The following KIF18A variants were observed in gnomAD, a reference collection of about 807,000 sequenced individuals.
KIF18A encodes the protein kinesin family member 18A, also known as kinesin-like protein KIF18A.
KIF18A carries 67 observed loss-of-function variants against 103.3 expected under a neutral mutation model. The ratio of observed to expected loss-of-function variants is 0.65; its 90% CI spans 0.53 to 0.79. KIF18A has a LOEUF of 0.79. KIF18A is among the 30% of genes least tolerant of loss of function. The probability of loss-of-function intolerance (pLI) is 0.00; values close to 1 mark genes in which losing one functional copy is unlikely to be tolerated. For missense variants in KIF18A, 1,032 were observed against 1,062.5 expected (o/e 0.97, Z 0.40); for synonymous variants, 367 against 355.5 (o/e 1.03, Z -0.36).
chr11:28,076,935 G>GAAAAAAAAAAA, intron 10 of KIF18A, 72 bp downstream of exon 10: 2 of 295,312 alleles, frequency 6.8e-6, no homozygotes, highest in Non-Finnish European at 4.8e-6. Context: ...GACTCCTTCT[G>GAAAAAAAAAAA]AAAAAAAAAA....
chr11:28,094,873 T>TATAATAG, intron 2 of KIF18A, 73 bp from the exon 3 acceptor site: 5 of 1,382,400 alleles, frequency 3.6e-6, no homozygotes, highest in South Asian at 1.2e-5. Context: ...ATCTAGTGGA[T>TATAATAG]AGTTCCATCT....
chr11:28,072,212 C>T (rs1328525122), intron 10 of KIF18A, among the ~76,000 whole-genome samples: 1 of 152,150 alleles, frequency 6.6e-6, no homozygotes, highest in African/African-American at 2.4e-5. Context: ...CCCCTGCACA[C>T]CACAAAAGTC....
intron 10 of KIF18A, among the ~76,000 whole-genome samples, chr11:28,074,723 C>A (rs1474957793): frequency 1.3e-5 from 2 of 151,856 alleles, no homozygotes; most frequent in African/African-American, 4.8e-5. Context: ...TTAAGAAATG[C>A]AAAATTTTTC....
At chr11:28,034,657 G>T (rs1850458508) in intron 15 of KIF18A, among the ~76,000 whole-genome samples, 1 of 151,746 alleles carries the variant, frequency 6.6e-6, no homozygotes, top group African/African-American at 2.4e-5. Flanking sequence ...GACAAAACCT[G>T]TACAGAATAA....
At position 28,059,098 on chromosome 11, in the gene KIF18A, C is replaced by T. The variant is rs896144916; in HGVS notation, c.1776G>A (p.Leu592=). The change falls in exon 13 of 17, where the codon CTG becomes CTA. Residue 592 remains leucine (L), a synonymous_variant. Coordinates refer to ENST00000263181, the MANE Select transcript of KIF18A (RefSeq NM_031217.4). ...AGTCAGATTCAAAAGCAGCATTTGA[C>T]AGGCCGGCTTCTTTTAATGTGCAAT... ...KQYCTLKEAG[L]SNAAFESDFK... 5.6e-6 allele frequency: 9 copies of T among 1,613,920 alleles called. No individual in the cohort carries two copies. The African/African-American group carries it at 1.2e-4, about 22-fold the overall frequency.
intron 1 of KIF18A, among the ~76,000 whole-genome samples, chr11:28,104,568 T>A (rs1212986917): frequency 6.6e-6 from 1 of 152,198 alleles, no homozygotes; most frequent in Non-Finnish European, 1.5e-5. Flanking sequence ...TCTAAGATAG[T>A]GTCACCCTGC....
chr11:28,073,970 A>C (rs888807491), intron 10 of KIF18A, among the ~76,000 whole-genome samples: 2 of 152,120 alleles, frequency 1.3e-5, no homozygotes, highest in Non-Finnish European at 2.9e-5. Flanking sequence ...AATAATTGAC[A>C]CTTATATAAT....
At chr11:28,027,866 G>C (rs1850341268) in intron 15 of KIF18A, among the ~76,000 whole-genome samples, 1 of 151,934 alleles carries the variant, frequency 6.6e-6, no homozygotes, top group Non-Finnish European at 1.5e-5. Context: ...GTATTACTCT[G>C]ATACCAAAAC....
chr11:28,106,552 A>C (rs1163560093), intron 1 of KIF18A, among the ~76,000 whole-genome samples: 2 of 60,660 alleles, frequency 3.3e-5, no homozygotes, highest in Admixed American at 3.0e-4. Context: ...AGTTGTCAGC[A>C]AAAAAAAAAA....
chr11:28,086,638 A>G (rs866982790), intron 6 of KIF18A, among the ~76,000 whole-genome samples: 22 of 152,226 alleles, frequency 1.4e-4, no homozygotes, highest in South Asian at 2.1e-4. Flanking sequence ...TAGTTCAAAG[A>G]GCCAGAAATA....
At chr11:28,088,424 G>A (rs1851259697) in intron 6 of KIF18A, 100 bp downstream of exon 6, 2 of 928,124 alleles carry the variant, frequency 2.2e-6, no homozygotes, top group Non-Finnish European at 3.4e-6. Context: ...CTTGAAATGT[G>A]ATATATATCA....
intron 5 of KIF18A, among the ~76,000 whole-genome samples, chr11:28,089,040 G>A (rs1330371900): frequency 6.6e-6 from 1 of 152,122 alleles, no homozygotes. Context: ...TAGAAACACA[G>A]GTCCTATAGA....
At chr11:28,072,634 T>A (rs139034125) in intron 10 of KIF18A, among the ~76,000 whole-genome samples, 63 of 152,212 alleles carry the variant, frequency 4.1e-4, no homozygotes, top group African/African-American at 1.1e-3. Flanking sequence ...CTCCACTGCT[T>A]ACCTAGTCTC....
intron 9 of KIF18A, 49 bp from the exon 10 acceptor site, chr11:28,077,218 T>C: frequency 2.2e-6 from 3 of 1,340,532 alleles, no homozygotes; most frequent in Non-Finnish European, 1.0e-6. Flanking sequence ...TTGTAGCAAA[T>C]CATACAAAGT....
At position 28,094,719 on chromosome 11, in the gene KIF18A, G is replaced by A. The variant is rs1215167504; in HGVS notation, c.407C>T (p.Thr136Ile). The change falls in exon 3 of 17, where the codon ACA (threonine) becomes ATA (isoleucine). Residue 136 changes from threonine (T) to isoleucine (I), a missense_variant. Coordinates refer to ENST00000263181, the MANE Select transcript of KIF18A (RefSeq NM_031217.4). Reference protein sequence around the residue: ...SADEPGVMYLTMLHLYKCMDE... With the variant: ...SADEPGVMYLIMLHLYKCMDE... Reference sequence around the variant, plus strand: ...CATGCATTTGTAAAGGTGTAACATTGTTAGATACATCACTCCAGGTTCATC... The same window carrying A: ...CATGCATTTGTAAAGGTGTAACATTATTAGATACATCACTCCAGGTTCATC... The A allele has an allele frequency of 1.2e-6, 2 of 1,612,578 alleles. No homozygotes were observed. Among genetic ancestry groups the A allele is most frequent in the Non-Finnish European group, 1.7e-6 (2 of 1,178,780 alleles).
At chr11:28,025,076 A>G (rs1213222749) in intron 15 of KIF18A, among the ~76,000 whole-genome samples, 1 of 152,086 alleles carries the variant, frequency 6.6e-6, no homozygotes, top group Non-Finnish European at 1.5e-5. Flanking sequence ...CTCGCTCTCT[A>G]TTAAAATATC....
chr11:28,022,499 C>T (rs982934607), intron 16 of KIF18A, among the ~76,000 whole-genome samples: 2 of 152,068 alleles, frequency 1.3e-5, no homozygotes, highest in African/African-American at 4.8e-5. Flanking sequence ...GATCTCCTGA[C>T]CTCGTGATCC....
chr11:28,076,912 C>G lies in KIF18A; in HGVS notation c.1425+95G>C. 8.6e-6 allele frequency: 5 copies of G among 580,418 alleles called. 1 individual carries two copies. The South Asian group carries it at 1.4e-4, about 16-fold the overall frequency. The allele number at this position is 580,418 out of a possible 1,614,324, so 36.0% of individuals were successfully genotyped here. ...TTGTGCCACTGCACTCCAGCTTGGG[C>G]AACAGAAGAAGAGACTCCTTCTGAA... On this transcript the variant is annotated intron_variant, in intron 10 of 16. Coordinates refer to ENST00000263181, the MANE Select transcript of KIF18A (RefSeq NM_031217.4).
At chr11:28,055,327 CT>C (rs1850765398) in intron 13 of KIF18A, among the ~76,000 whole-genome samples, 1 of 152,164 alleles carries the variant, frequency 6.6e-6, no homozygotes, top group Admixed American at 6.5e-5. Context: ...TAAAAAACAT[CT>C]GTTTGAAGGC....
Sources: gnomAD v4.1 joint callset for allele counts (sites outside exome capture counted in the v4.1 genomes callset) on GRCh38, gnomAD v4.1.1 for gene constraint, MANE v1.5 for transcripts, NCBI Gene and HGNC (gene_info 2026-07-23, HGNC 2026-07-21) for gene names.